The following LAMA2 variants were observed in gnomAD, a reference collection of about 807,000 sequenced individuals.
LAMA2 encodes laminin subunit alpha 2, also known as laminin subunit alpha-2.
In LAMA2, 269 loss-of-function variants were observed where a neutral mutation model predicts 364.8. That is an observed-to-expected ratio of 0.74 (90% CI 0.67 to 0.82). The LOEUF (loss-of-function observed/expected upper bound fraction) is 0.82, where lower values mean the gene tolerates loss of function less well. Among genes scored for constraint, LAMA2 ranks in the 40% least tolerant of loss-of-function variants. LAMA2 has a pLI of 0.00. For synonymous variants in LAMA2, 1,379 were observed against 1,370.6 expected, an observed-to-expected ratio of 1.01 and a Z score of -0.14; for missense variants, 3,807 against 3,873.2, an observed-to-expected ratio of 0.98 and a Z score of 0.45.
intron 30 of LAMA2, among the ~76,000 whole-genome samples, chr6:129,345,702 A>G (rs577582212): frequency 1.3e-5 from 2 of 150,436 alleles, no homozygotes; most frequent in Non-Finnish European, 3.0e-5. Flanking sequence ...AGATATCTAA[A>G]TATATGTATT....
chr6:129,492,403 G>A lies in LAMA2; in HGVS notation c.8164G>A (p.Ala2722Thr), dbSNP rs959261334. The A allele has an allele frequency of 6.2e-6, 10 of 1,614,000 alleles. No individual in the cohort carries two copies. The highest frequency in any genetic ancestry group is 1.7e-5 in the Admixed American group (1 of 60,002). ...HQKLREDEDG[A>T]APAEIVIQPE... is the part of the protein sequence containing the mutation. ...GAAACTCCGTGAAGATGAAGATGGA[G>A]CAGCTCCAGCTGAAATAGTTATCCA... The change falls in exon 58 of 65, where the codon GCA (alanine) becomes ACA (threonine). Residue 2722 changes from alanine to threonine, a missense_variant. By Grantham distance (58) the Ala-to-Thr change is moderately conservative (BLOSUM62 0). Around this residue, in one of 3 missense-constraint regions of LAMA2, gnomAD observed 3,333 missense variants for 3,345.7 expected, o/e 1.00. Transcript: ENST00000421865.
chr6:129,514,192 G>A (rs1043853470), intron 63 of LAMA2, among the ~76,000 whole-genome samples, 181 bp from the exon 64 acceptor site: 2 of 152,124 alleles, frequency 1.3e-5, no homozygotes, highest in African/African-American at 4.8e-5. Flanking sequence ...GTGGCTCCTG[G>A]TGATTAGATT....
At chr6:129,085,217 T>A (rs553394680) in intron 3 of LAMA2, among the ~76,000 whole-genome samples, 31 of 152,344 alleles carry the variant, frequency 2.0e-4, no homozygotes, top group African/African-American at 7.2e-4. Context: ...GAATCAGAAT[T>A]TCATGACATT....
chr6:129,502,839 A>T, intron 59 of LAMA2, 68 bp downstream of exon 59: 1 of 1,042,204 alleles, frequency 9.6e-7, no homozygotes, highest in East Asian at 2.4e-5. Context: ...TGTTTAATCA[A>T]GTTGAATCTA....
chr6:129,137,559 G>C (rs1477075558), intron 4 of LAMA2, among the ~76,000 whole-genome samples: 1 of 151,816 alleles, frequency 6.6e-6, no homozygotes, highest in Non-Finnish European at 1.5e-5. Context: ...TAATTTATTA[G>C]ACTAGAATAA....
chr6:129,031,345 G>T (rs1786205440), intron 1 of LAMA2, among the ~76,000 whole-genome samples: 1 of 152,152 alleles, frequency 6.6e-6, no homozygotes, highest in Non-Finnish European at 1.5e-5. Context: ...TTAGGCTGAG[G>T]CCTGGTGTAA....
intron 4 of LAMA2, among the ~76,000 whole-genome samples, chr6:129,133,730 A>T (rs1351952835): frequency 3.3e-5 from 5 of 152,194 alleles, no homozygotes; most frequent in Non-Finnish European, 4.4e-5. Context: ...AGCTTTCTGA[A>T]CATTAAATCA....
chr6:129,456,090 C>T (rs1434908899), intron 47 of LAMA2, among the ~76,000 whole-genome samples: 1 of 152,106 alleles, frequency 6.6e-6, no homozygotes, highest in Non-Finnish European at 1.5e-5. Context: ...CACACAGAAT[C>T]AGGACCTGGT....
rs1583685267 is a variant in LAMA2 at position 129,410,725 on chromosome 6, G to GATAGATAC, written c.5865+6773_5865+6774insCATAGATA. On this transcript the variant is annotated intron_variant, in intron 40 of 64. Coordinates refer to ENST00000421865, the MANE Select transcript of LAMA2 (RefSeq NM_000426.4). The stretch of plus-strand genomic sequence containing the variant: ...GGATGATAGACAGATTAGATAGATA[G>GATAGATAC]ATAGATAGATAGATAGATAGATAGA... 1.3e-4 allele frequency among the ~76,000 whole-genome samples: 5 copies of GATAGATAC among 38,878 alleles called. No homozygotes were observed. In the East Asian group the frequency reaches 4.8e-3, roughly 37 times the overall value. 25.5% of individuals were successfully genotyped at this position (38,878 alleles called of 152,430 possible). A position where few individuals can be genotyped will look rare whatever the true frequency, so the allele number is the denominator to read the frequency against.
At chr6:129,070,264 G>C (rs1773226355) in intron 3 of LAMA2, among the ~76,000 whole-genome samples, 1 of 152,110 alleles carries the variant, frequency 6.6e-6, no homozygotes, top group Non-Finnish European at 1.5e-5. Context: ...CACTTTAGGT[G>C]ATACTCAGAA....
intron 1 of LAMA2, among the ~76,000 whole-genome samples, chr6:129,044,431 A>G (rs994732742): frequency 6.6e-6 from 1 of 152,194 alleles, no homozygotes; most frequent in African/African-American, 2.4e-5. Context: ...TGGTATAAAC[A>G]CATCCAAATA....
chr6:129,357,278 CAT>C (rs1227902586), intron 32 of LAMA2, among the ~76,000 whole-genome samples: 6 of 151,968 alleles, frequency 3.9e-5, no homozygotes, highest in African/African-American at 1.4e-4. Context: ...CAGAATAACC[CAT>C]GTGATGTTTA....
At chr6:129,471,860 T>G (rs755061315) in intron 51 of LAMA2, among the ~76,000 whole-genome samples, 63 of 152,046 alleles carry the variant, frequency 4.1e-4, no homozygotes, top group Admixed American at 1.7e-3. Flanking sequence ...GGTATGTGTA[T>G]TTTAGTCCTT....
At chr6:128,965,979 GT>G (rs11342050) in intron 1 of LAMA2, among the ~76,000 whole-genome samples, 6,123 of 112,724 alleles carry the variant, frequency 0.054, 107 homozygotes, top group African/African-American at 0.12. Flanking sequence ...TAAACCAGAG[GT>G]TTTTTTTTTT....
chr6:129,179,556 G>A (rs901938696), intron 10 of LAMA2, among the ~76,000 whole-genome samples: 11 of 152,074 alleles, frequency 7.2e-5, no homozygotes, highest in African/African-American at 2.2e-4. Flanking sequence ...GCTCTCAGCC[G>A]AACTCAATAT....
chr6:129,472,373 G>C (rs1436971221), intron 51 of LAMA2, among the ~76,000 whole-genome samples: 2 of 151,900 alleles, frequency 1.3e-5, no homozygotes, highest in Non-Finnish European at 2.9e-5. Flanking sequence ...ATATGAAGTA[G>C]TTAAAGGCTA....
rs143201212 is a variant in LAMA2 at position 129,466,735 on chromosome 6, T to C, written c.7300+1446T>C. On this transcript the variant is annotated intron_variant, in intron 51 of 64. Coordinates refer to ENST00000421865, the MANE Select transcript of LAMA2 (RefSeq NM_000426.4). ...GAACACACTTTGGGGAATGCTTTAG[T>C]AACTACAAGTGAATCCATAGCCTAC... Among the ~76,000 whole-genome samples, 7 of 151,946 alleles carry C rather than the reference T, an allele frequency of 4.6e-5. No individual in the cohort carries two copies. The East Asian group carries it at 1.4e-3, about 30-fold the overall frequency.
At chr6:128,898,642 C>T (rs1228998729) in intron 1 of LAMA2, among the ~76,000 whole-genome samples, 1 of 152,210 alleles carries the variant, frequency 6.6e-6, no homozygotes, top group Admixed American at 6.5e-5. Flanking sequence ...TTCTCTTTTC[C>T]ATTTTACAAT....
intron 9 of LAMA2, among the ~76,000 whole-genome samples, chr6:129,172,459 T>TG (rs544531164): frequency 1.5e-3 from 235 of 152,298 alleles, no homozygotes; most frequent in African/African-American, 4.9e-3. Context: ...GTGCCCCTGC[T>TG]GGGGGGTGCC....
Sources: gnomAD v4.1 joint callset for allele counts (sites outside exome capture counted in the v4.1 genomes callset) on GRCh38, gnomAD v4.1.1 for gene constraint, gnomAD v4.1.1 regional missense constraint, MANE v1.5 for transcripts, NCBI Gene and HGNC (gene_info 2026-07-23, HGNC 2026-07-21) for gene names.